The following DENND1B variants were observed in gnomAD, a reference collection of about 807,000 sequenced individuals.
The protein encoded by DENND1B is DENN domain-containing protein 1B.
A neutral mutation model predicts 90.1 loss-of-function variants in DENND1B; 59 were observed. The ratio of observed to expected loss-of-function variants is 0.65; its 90% CI spans 0.53 to 0.81. DENND1B has a LOEUF of 0.81. DENND1B is among the 40% of genes least tolerant of loss of function. The pLI is 0.00. For synonymous variants in DENND1B, 337 were observed against 324.6 expected, an observed-to-expected ratio of 1.04 and a Z score of -0.41; for missense variants, 862 against 912.6, an observed-to-expected ratio of 0.94 and a Z score of 0.71.
intron 6 of DENND1B, among the ~76,000 whole-genome samples, chr1:197,653,730 G>C (rs139296304): frequency 6.6e-6 from 1 of 151,336 alleles, no homozygotes; most frequent in African/African-American, 2.4e-5. Context: ...TATTACTGAT[G>C]GTTTCAGGAA....
intron 6 of DENND1B, 83 bp from the exon 7 acceptor site, chr1:197,652,398 C>G: frequency 1.9e-6 from 2 of 1,058,712 alleles, no homozygotes; most frequent in South Asian, 3.2e-5. Flanking sequence ...AAATAATCTA[C>G]TATGGCTTTT....
At chr1:197,719,530 G>C (rs1660962835) in intron 2 of DENND1B, among the ~76,000 whole-genome samples, 1 of 152,212 alleles carries the variant, frequency 6.6e-6, no homozygotes, top group South Asian at 2.1e-4. Context: ...TATGTAGTAG[G>C]TAGTTCTCTA....
intron 15 of DENND1B, among the ~76,000 whole-genome samples, chr1:197,565,323 T>C (rs1672536966): frequency 6.6e-6 from 1 of 151,998 alleles, no homozygotes; most frequent in African/African-American, 2.4e-5. Context: ...GGAAAGTAGA[T>C]CACAGCACAA....
intron 2 of DENND1B, among the ~76,000 whole-genome samples, chr1:197,740,028 C>T (rs911782419): frequency 2.6e-5 from 4 of 152,104 alleles, no homozygotes; most frequent in African/African-American, 9.7e-5. Flanking sequence ...CACTACAGCC[C>T]TGAACTTGTG....
chr1:197,567,447 C>CA (rs1417935467), intron 15 of DENND1B, among the ~76,000 whole-genome samples: 1 of 152,008 alleles, frequency 6.6e-6, no homozygotes, highest in Non-Finnish European at 1.5e-5. Context: ...TCAAACTCTT[C>CA]AAAAAAACTG....
At chr1:197,715,192 T>TAAAGAAAA in intron 2 of DENND1B, 118 bp from the exon 3 acceptor site, 1 of 693,444 alleles carries the variant, frequency 1.4e-6, no homozygotes, top group Non-Finnish European at 2.3e-6. Flanking sequence ...TTTAAATTTT[T>TAAAGAAAA]CTTTAAACAT....
chr1:197,759,343 C>T (rs1258617493), intron 2 of DENND1B, among the ~76,000 whole-genome samples: 2 of 149,066 alleles, frequency 1.3e-5, no homozygotes, highest in African/African-American at 2.5e-5. Context: ...AAGCAAAATA[C>T]AATTAAAAGT....
At chr1:197,700,368 A>G (rs1200581971) in intron 3 of DENND1B, among the ~76,000 whole-genome samples, 1 of 152,170 alleles carries the variant, frequency 6.6e-6, no homozygotes. Context: ...AGCAATGGGG[A>G]AAGGATCTCC....
rs1188477984 is a variant in DENND1B at position 197,770,842 on chromosome 1, ATATAAATATATATC to A, written c.82+2012_82+2025del. On this transcript the variant is annotated intron_variant, in intron 2 of 22. Transcript: ENST00000620048. ...TATGTAAATATATATCTATAAATAT[ATATAAATATATATC>A]TATAAATATATATCTATAAATATAT... 9.7e-3 allele frequency among the ~76,000 whole-genome samples: 939 copies of A among 97,016 alleles called. 7 individuals carry two copies. The highest frequency in any genetic ancestry group is 0.025 in the African/African-American group (775 of 30,892). 63.6% of individuals were successfully genotyped at this position (97,016 alleles called of 152,430 possible).
chr1:197,747,104 G>A (rs542653258), intron 2 of DENND1B: 2 of 773,042 alleles, frequency 2.6e-6, no homozygotes, highest in South Asian at 2.8e-5. Context: ...TGTTCACTGT[G>A]AGATTCTTTT....
intron 2 of DENND1B, among the ~76,000 whole-genome samples, chr1:197,764,663 GCTT>G (rs1487756129): frequency 2.0e-5 from 3 of 151,970 alleles, no homozygotes; most frequent in African/African-American, 7.3e-5. Context: ...TATAAAAACT[GCTT>G]CTTTTTAATT....
intron 10 of DENND1B, among the ~76,000 whole-genome samples, chr1:197,626,579 G>C (rs1286821704): frequency 1.3e-5 from 2 of 152,084 alleles, no homozygotes; most frequent in East Asian, 3.9e-4. Flanking sequence ...AAGCAGGAAA[G>C]ATCCAAAATT....
At chr1:197,659,219 G>C (rs1191676782) in intron 5 of DENND1B, among the ~76,000 whole-genome samples, 2 of 151,266 alleles carry the variant, frequency 1.3e-5, no homozygotes, top group African/African-American at 2.4e-5. Flanking sequence ...CTACATAATT[G>C]TACACAGATT....
intron 2 of DENND1B, among the ~76,000 whole-genome samples, chr1:197,728,718 A>C (rs994218419): frequency 2.0e-5 from 3 of 152,090 alleles, no homozygotes; most frequent in African/African-American, 7.2e-5. Flanking sequence ...CACTGCCACT[A>C]AATTAATCTT....
intron 3 of DENND1B, among the ~76,000 whole-genome samples, chr1:197,692,144 T>C (rs1049650390): frequency 4.6e-5 from 7 of 151,240 alleles, no homozygotes; most frequent in Admixed American, 6.6e-5. Context: ...AAAAAAAAAA[T>C]CTCAAATCCA....
Position 197,512,859 on chromosome 1 carries a change from T to A in DENND1B, c.1598+12A>T. The A allele has an allele frequency of 6.2e-7, 1 of 1,609,008 alleles. No homozygotes were observed. The highest frequency in any genetic ancestry group is 8.5e-7 in the Non-Finnish European group (1 of 1,177,296). Reference sequence around the variant, plus strand: ...CATTCCACTTAATAGGACACCAAAATCCATTACTTACTTGCTTGCTCTTTC... The same window carrying A: ...CATTCCACTTAATAGGACACCAAAAACCATTACTTACTTGCTTGCTCTTTC... On this transcript the variant is annotated intron_variant, in intron 21 of 22. Transcript: ENST00000620048.
chr1:197,546,681 T>C (rs1670838067), intron 17 of DENND1B, 52 bp downstream of exon 17: 1 of 1,452,684 alleles, frequency 6.9e-7, no homozygotes, highest in Admixed American at 2.4e-5. Context: ...TTGCTGAACA[T>C]TTCTCCATTT....
In DENND1B at chr1:197,505,722, TAC is replaced by T; in HGVS notation, c.*4736_*4737del. 1 of 151,584 alleles carries T rather than the reference TAC, an allele frequency of 6.6e-6. No individual in the cohort carries two copies. Among genetic ancestry groups the T allele is most frequent in the Non-Finnish European group, 1.5e-5 (1 of 67,738 alleles). 9.4% of individuals were successfully genotyped at this position (151,584 alleles called of 1,614,324 possible). A position where few individuals can be genotyped will look rare whatever the true frequency, so the allele number is the denominator to read the frequency against. ...CTGTACATCATACAAAAAATTAATT[TAC>T]ACAGTCAAAAAGTATTGGCAATGCC... On this transcript the variant is annotated 3_prime_UTR_variant, in exon 23 of 23. Transcript: ENST00000620048.
chr1:197,554,795 T>C (rs2125689890), intron 15 of DENND1B, among the ~76,000 whole-genome samples: 1 of 103,394 alleles, frequency 9.7e-6, no homozygotes, highest in Middle Eastern at 4.4e-3. Flanking sequence ...TGAGCCAAGA[T>C]TGCACCATTG....
Sources: gnomAD v4.1 joint callset for allele counts (sites outside exome capture counted in the v4.1 genomes callset) on GRCh38, gnomAD v4.1.1 for gene constraint, MANE v1.5 for transcripts, NCBI Gene and HGNC (gene_info 2026-07-23, HGNC 2026-07-21) for gene names.